Variants in AOPEP observed in about 807,000 individuals in gnomAD.
The protein encoded by AOPEP is aminopeptidase O (putative), also known as aminopeptidase O.
A neutral mutation model predicts 98.1 loss-of-function variants in AOPEP; 77 were observed. The ratio of observed to expected loss-of-function variants is 0.78; its 90% CI spans 0.65 to 0.95. The LOEUF (loss-of-function observed/expected upper bound fraction) is 0.95, where lower values mean the gene tolerates loss of function less well. Ranked by LOEUF, AOPEP falls within the 40% of genes least tolerant of loss-of-function variation. The pLI is 0.00. For synonymous variants in AOPEP, 346 were observed against 365.3 expected (o/e 0.95, Z 0.60); for missense variants, 1,024 against 1,024.7 (o/e 1.00, Z 0.01).
At chr9:95,146,973 T>C in the AOPEP span, among the ~76,000 whole-genome samples, 1 of 151,396 alleles carries the variant, frequency 6.6e-6, no homozygotes, top group African/African-American at 2.4e-5. Context: ...AAAACTTTTC[T>C]AATTTTTAAA....
intron 5 of AOPEP, among the ~76,000 whole-genome samples, chr9:94,827,717 C>A (rs1235403279): frequency 1.3e-5 from 2 of 151,992 alleles, no homozygotes; most frequent in African/African-American, 2.4e-5. Flanking sequence ...AGAAACCAGG[C>A]CCCAGCAGAA....
intron 4 of AOPEP, among the ~76,000 whole-genome samples, chr9:94,798,948 GC>G (rs1185014280): frequency 6.6e-6 from 1 of 152,160 alleles, no homozygotes; most frequent in Non-Finnish European, 1.5e-5. Flanking sequence ...AGGGACTTTG[GC>G]CAGAATTAAA....
rs546689458 is a variant in AOPEP at position 94,831,445 on chromosome 9, T to A, written c.1364+30443T>A. On this transcript the variant is annotated intron_variant, in intron 5 of 16. Coordinates refer to ENST00000375315, the MANE Select transcript of AOPEP (RefSeq NM_001193329.3). ...TTTTTGTACAAGTACCATGCTGTTT[T>A]GGTTACTGTAGCCTTGTAGTGTAGT... is the stretch of plus-strand genomic sequence containing the variant. Among the ~76,000 whole-genome samples the A allele has an allele frequency of 2.6e-5, 4 of 152,338 alleles. No individual in the cohort carries two copies. The South Asian group carries it at 8.3e-4, about 32-fold the overall frequency.
intron 3 of AOPEP, among the ~76,000 whole-genome samples, chr9:94,778,912 C>T (rs1233326943): frequency 6.6e-6 from 1 of 151,886 alleles, no homozygotes; most frequent in Non-Finnish European, 1.5e-5. Flanking sequence ...GGCTGTAATC[C>T]CATTTACTCA....
At chr9:95,038,951 CAT>C (rs1391208708) in intron 13 of AOPEP, among the ~76,000 whole-genome samples, 2 of 152,104 alleles carry the variant, frequency 1.3e-5, no homozygotes, top group Admixed American at 6.5e-5. Flanking sequence ...GCGGGCTTAA[CAT>C]AGGATTGCCA....
At chr9:95,016,150 C>A (rs1189776375) in intron 13 of AOPEP, among the ~76,000 whole-genome samples, 1 of 150,522 alleles carries the variant, frequency 6.6e-6, no homozygotes, top group South Asian at 2.1e-4. Context: ...TTTCCCCCCA[C>A]GGTAAACCTT....
the AOPEP span, chr9:95,114,644 T>C: frequency 1.2e-6 from 2 of 1,614,040 alleles, no homozygotes; most frequent in Non-Finnish European, 1.7e-6. Context: ...AGTCTGGTCT[T>C]CAACTGCTTC....
chr9:94,774,607 T>C (rs1841671593), intron 3 of AOPEP, among the ~76,000 whole-genome samples: 1 of 152,198 alleles, frequency 6.6e-6, no homozygotes, highest in Non-Finnish European at 1.5e-5. Flanking sequence ...ATATTTTTTA[T>C]CTGAATATAT....
In AOPEP at chr9:94,938,977, C is replaced by T. The variant is rs552329621; in HGVS notation, c.1661+10446C>T. ...TGAAAGAAGGCTTCTAGGCCGGGCG[C>T]GGTGGCTCACACCTGTAATCCCAGC... On this transcript the variant is annotated intron_variant, in intron 7 of 16. Coordinates refer to ENST00000375315, the MANE Select transcript of AOPEP (RefSeq NM_001193329.3). Among the ~76,000 whole-genome samples, 6 of 152,180 alleles carry T rather than the reference C, an allele frequency of 3.9e-5. No individual in the cohort carries two copies. In the East Asian group the frequency reaches 7.7e-4, roughly 20 times the overall value.
At chr9:94,993,542 A>G (rs954859121) in intron 11 of AOPEP, among the ~76,000 whole-genome samples, 1 of 152,202 alleles carries the variant, frequency 6.6e-6, no homozygotes, top group Non-Finnish European at 1.5e-5. Context: ...AGTAGAACCT[A>G]TTTGGGGTTG....
At chr9:95,023,689 CT>C (rs150589165) in intron 13 of AOPEP, among the ~76,000 whole-genome samples, 1,812 of 152,286 alleles carry the variant, frequency 0.012, 37 homozygotes, top group African/African-American at 0.041. Flanking sequence ...GAGATCTCCC[CT>C]GACCCCCGCC....
chr9:95,117,396 A>G, the AOPEP span: 3 of 1,612,890 alleles, frequency 1.9e-6, no homozygotes, highest in Non-Finnish European at 2.5e-6. Context: ...CGCAGCTGCC[A>G]CAGGATGGAA....
At chr9:94,876,107 T>G (rs2046909708) in intron 5 of AOPEP, among the ~76,000 whole-genome samples, 1 of 152,072 alleles carries the variant, frequency 6.6e-6, no homozygotes, top group African/African-American at 2.4e-5. Context: ...AGTATTTGAG[T>G]CTAATTGGTC....
chr9:94,741,346 C>T (rs1833037115), intron 1 of AOPEP, among the ~76,000 whole-genome samples: 1 of 151,738 alleles, frequency 6.6e-6, no homozygotes, highest in African/African-American at 2.4e-5. Context: ...GATCTCGGCT[C>T]ACTGCAAGCT....
chr9:94,828,120 G>A (rs183048795), intron 5 of AOPEP, among the ~76,000 whole-genome samples: 1 of 152,292 alleles, frequency 6.6e-6, no homozygotes, highest in Admixed American at 6.5e-5. Context: ...GAGGCGTGGA[G>A]GAGAATGCTG....
chr9:94,876,359 TTTTC>T, intron 5 of AOPEP, among the ~76,000 whole-genome samples: 1 of 151,134 alleles, frequency 6.6e-6, no homozygotes, highest in African/African-American at 2.4e-5. Context: ...TTGCTTTTTC[TTTTC>T]TTTTCTTTTT....
At chr9:95,014,017 G>C (rs1015736229) in intron 13 of AOPEP, among the ~76,000 whole-genome samples, 1 of 151,798 alleles carries the variant, frequency 6.6e-6, no homozygotes, top group Admixed American at 6.6e-5. Flanking sequence ...TTTTTGTTTT[G>C]CTTGCTCACA....
chr9:95,063,610 G>A (rs1011201155), intron 14 of AOPEP, among the ~76,000 whole-genome samples: 4 of 152,218 alleles, frequency 2.6e-5, no homozygotes, highest in Admixed American at 6.5e-5. Flanking sequence ...ATGCTGCAGC[G>A]TGCCCTGCTT....
At chr9:94,939,614 A>G (rs1200795549) in intron 7 of AOPEP, among the ~76,000 whole-genome samples, 1 of 152,262 alleles carries the variant, frequency 6.6e-6, no homozygotes, top group Non-Finnish European at 1.5e-5. Flanking sequence ...CTGGGCAACA[A>G]CATGACCACT....
Sources: allele counts gnomAD v4.1 joint callset (sites outside exome capture counted in the v4.1 genomes callset), GRCh38; gene constraint gnomAD v4.1.1; transcripts MANE v1.5; gene names NCBI Gene and HGNC (gene_info 2026-07-23, HGNC 2026-07-21).